The following RABGEF1 variants were observed in gnomAD, a reference collection of about 807,000 sequenced individuals.
RABGEF1 encodes the protein RAB guanine nucleotide exchange factor 1, also known as rab5 GDP/GTP exchange factor.
In RABGEF1, 26 loss-of-function variants were observed where a neutral mutation model predicts 57.3. The observed-to-expected ratio is 0.45, with a 90% CI of 0.33 to 0.63. The LOEUF (loss-of-function observed/expected upper bound fraction) is 0.63. Among genes scored for constraint, RABGEF1 ranks in the 20% least tolerant of loss-of-function variants. The pLI is 0.02. For synonymous variants in RABGEF1, 185 were observed against 210.7 expected (o/e 0.88, Z 1.06); for missense variants, 464 against 607.6 (o/e 0.76, Z 2.48).
At chr7:66,706,447 G>C (rs895666862) in intron 1 of RABGEF1, among the ~76,000 whole-genome samples, 1 of 151,894 alleles carries the variant, frequency 6.6e-6, no homozygotes, top group Non-Finnish European at 1.5e-5. Flanking sequence ...GTCTCGCTCC[G>C]TCCCCAGGCT....
intron 4 of RABGEF1, among the ~76,000 whole-genome samples, chr7:66,795,082 C>T (rs1196289519): frequency 3.3e-5 from 5 of 152,266 alleles, no homozygotes; most frequent in Admixed American, 2.6e-4. Flanking sequence ...AAGTTTGCAC[C>T]ATTTGTAGCA....
intron 2 of RABGEF1, among the ~76,000 whole-genome samples, chr7:66,715,821 A>G (rs1795327943): frequency 6.6e-6 from 1 of 151,992 alleles, no homozygotes. Context: ...CAGCACAATC[A>G]TAGTGCACTA....
At chr7:66,757,208 A>C (rs1443374262) in intron 1 of RABGEF1, among the ~76,000 whole-genome samples, 1 of 152,154 alleles carries the variant, frequency 6.6e-6, no homozygotes, top group Non-Finnish European at 1.5e-5. Flanking sequence ...TTCTCATTAA[A>C]ATGTTTTTCT....
intron 2 of RABGEF1, among the ~76,000 whole-genome samples, chr7:66,725,397 C>T (rs2117569486): frequency 6.6e-6 from 1 of 152,296 alleles, no homozygotes; most frequent in African/African-American, 2.4e-5. Context: ...AGGCCACCAC[C>T]CATCTACTTT....
At chr7:66,749,818 T>A (rs932024518) in intron 1 of RABGEF1, among the ~76,000 whole-genome samples, 1 of 151,698 alleles carries the variant, frequency 6.6e-6, no homozygotes, top group Non-Finnish European at 1.5e-5. Context: ...AAAAATATTT[T>A]AAAAAATTAG....
chr7:66,739,106 A>G (rs1018989073), upstream of RABGEF1, among the ~76,000 whole-genome samples: 28 of 151,892 alleles, frequency 1.8e-4, no homozygotes, highest in Non-Finnish European at 3.8e-4. Context: ...ATGTGCCACC[A>G]TGCCTGGCTA....
At chr7:66,737,449 G>C (rs1484483214), upstream of RABGEF1, among the ~76,000 whole-genome samples, 4 of 151,590 alleles carry the variant, frequency 2.6e-5, no homozygotes, top group African/African-American at 9.7e-5. Flanking sequence ...GGGTAGGGGG[G>C]GGCAGTCTAA....
In RABGEF1 at chr7:66,798,082, A is replaced by G. The variant is rs113076556; in HGVS notation, c.728+576A>G. On this transcript the variant is annotated intron_variant, in intron 6 of 8. Transcript: ENST00000284957. ...CAGTGAGCTGAGATCATGCTACCACACTCCAGCCTGGGCAACAGAGCAAGA... is the reference window on the plus strand; with the variant it reads ...CAGTGAGCTGAGATCATGCTACCACGCTCCAGCCTGGGCAACAGAGCAAGA... Among the ~76,000 whole-genome samples the G allele has an allele frequency of 1.4e-3, 212 of 152,258 alleles. 1 individual carries two copies. Among genetic ancestry groups the G allele is most frequent in the African/African-American group, 4.9e-3 (205 of 41,540 alleles).
chr7:66,734,009 A>AC (rs1480424472), intron 2 of RABGEF1, among the ~76,000 whole-genome samples: 1 of 152,138 alleles, frequency 6.6e-6, no homozygotes, highest in Non-Finnish European at 1.5e-5. Flanking sequence ...CGTCTCAAAA[A>AC]CAAAAAACAA....
chr7:66,658,830 G>T, the RABGEF1 span, among the ~76,000 whole-genome samples: 1 of 152,026 alleles, frequency 6.6e-6, no homozygotes, highest in Non-Finnish European at 1.5e-5. Context: ...CTGGCTCCCG[G>T]GTTCACGCCA....
At chr7:66,752,433 G>A (rs557752649) in intron 1 of RABGEF1, among the ~76,000 whole-genome samples, 158 of 151,812 alleles carry the variant, frequency 1.0e-3, no homozygotes, top group Middle Eastern at 3.4e-3. Context: ...GGTGGAGGTT[G>A]CAGTGAGCCG....
chr7:66,742,910 C>A (rs893652083), intron 1 of RABGEF1, among the ~76,000 whole-genome samples: 5 of 152,104 alleles, frequency 3.3e-5, no homozygotes, highest in Admixed American at 6.6e-5. Flanking sequence ...CCTGGAGGGT[C>A]GTTACTAAAG....
intron 2 of RABGEF1, 44 bp downstream of exon 2, chr7:66,772,122 G>T: frequency 7.5e-7 from 1 of 1,341,286 alleles, no homozygotes; most frequent in Non-Finnish European, 9.8e-7. Flanking sequence ...GACGTGACTG[G>T]ATACATAGTT....
At position 66,715,870 on chromosome 7, in the gene RABGEF1, C is replaced by CAAG. The variant is rs1795335896; in HGVS notation, c.-815+3646_-815+3647insAAG. On this transcript the variant is annotated intron_variant and NMD_transcript_variant, in intron 2 of 9. Coordinates refer to the RABGEF1 transcript ENST00000607882. ...CTGGGTTCAGGTGCTCCTTGTGCCTCCGCCTCCTGAATAGCTGGGATTGCA... is the reference window on the plus strand; with the variant it reads ...CTGGGTTCAGGTGCTCCTTGTGCCTCAAGCGCCTCCTGAATAGCTGGGATTGCA... 2.0e-5 allele frequency among the ~76,000 whole-genome samples: 3 copies of CAAG among 152,112 alleles called. No homozygotes were observed. In the South Asian group the frequency reaches 6.2e-4, roughly 32 times the overall value.
intron 1 of RABGEF1, among the ~76,000 whole-genome samples, chr7:66,703,592 G>A (rs1333319650): frequency 6.6e-6 from 1 of 152,032 alleles, no homozygotes; most frequent in Non-Finnish European, 1.5e-5. Context: ...CACCTTTTTC[G>A]GAAATCAGTT....
intron 4 of RABGEF1, among the ~76,000 whole-genome samples, chr7:66,789,682 C>CAAAAAA (rs35661980): frequency 5.2e-5 from 3 of 57,462 alleles, no homozygotes; most frequent in African/African-American, 7.5e-5. Flanking sequence ...GACTCTATCT[C>CAAAAAA]AAAAAAAAAA....
intron 3 of RABGEF1, among the ~76,000 whole-genome samples, chr7:66,777,660 C>T (rs4718402): frequency 6.6e-6 from 1 of 152,016 alleles, no homozygotes; most frequent in Non-Finnish European, 1.5e-5. Context: ...GCAGTGGCTT[C>T]TACCTACCTA....
In RABGEF1 at chr7:66,809,365, G is replaced by T. The variant is rs555373818; in HGVS notation, c.*81G>T. 1 of 1,422,714 alleles carries T rather than the reference G, an allele frequency of 7.0e-7. No homozygotes were observed. Among genetic ancestry groups the T allele is most frequent in the East Asian group, 2.3e-5 (1 of 42,982 alleles). 88.1% of individuals were successfully genotyped at this position (1,422,714 alleles called of 1,614,324 possible). Reference sequence around the variant, plus strand: ...CACTCAACTGATTGGGATCTAGAATGTAACTAAATTGCTTATAAATGTCAG... The same window carrying T: ...CACTCAACTGATTGGGATCTAGAATTTAACTAAATTGCTTATAAATGTCAG... On this transcript the variant is annotated 3_prime_UTR_variant, in exon 9 of 9. Transcript: ENST00000284957.
intron 1 of RABGEF1, among the ~76,000 whole-genome samples, chr7:66,743,327 TTA>T (rs1562768318): frequency 1.5e-5 from 2 of 136,626 alleles, no homozygotes. Context: ...AGAAAAAAAT[TTA>T]AAAAAAAAAA....
Sources: allele counts gnomAD v4.1 joint callset (sites outside exome capture counted in the v4.1 genomes callset), GRCh38; gene constraint gnomAD v4.1.1; transcripts MANE v1.5; gene names NCBI Gene and HGNC (gene_info 2026-07-23, HGNC 2026-07-21).